Variants in SLC24A2 observed in about 807,000 individuals in gnomAD.
SLC24A2 encodes sodium/potassium/calcium exchanger 2.
A neutral mutation model predicts 62.0 loss-of-function variants in SLC24A2; 36 were observed. The observed-to-expected ratio is 0.58, with a 90% CI of 0.44 to 0.77. The LOEUF is 0.77. SLC24A2 is among the 30% of genes least tolerant of loss of function. The pLI is 0.00. For synonymous variants in SLC24A2, 358 were observed against 294.0 expected (o/e 1.22, Z -2.23); for missense variants, 846 against 817.9 (o/e 1.03, Z -0.42).
At chr9:20,063,112 T>A in the SLC24A2 span, among the ~76,000 whole-genome samples, 9 of 121,252 alleles carry the variant, frequency 7.4e-5, no homozygotes, top group African/African-American at 2.4e-4. Flanking sequence ...GAACTAGAAA[T>A]ACCATTTGAC....
At chr9:19,643,318 C>A (rs918627227) in intron 2 of SLC24A2, among the ~76,000 whole-genome samples, 1 of 152,088 alleles carries the variant, frequency 6.6e-6, no homozygotes, top group Middle Eastern at 3.2e-3. Flanking sequence ...ATTATTCAGG[C>A]CAGATGTTTT....
chr9:20,071,585 A>C, the SLC24A2 span, among the ~76,000 whole-genome samples: 1 of 152,184 alleles, frequency 6.6e-6, no homozygotes, highest in Admixed American at 6.5e-5. Context: ...ATGTTACATT[A>C]TATGGTGTTT....
chr9:20,210,174 G>A, the SLC24A2 span, among the ~76,000 whole-genome samples: 2 of 152,142 alleles, frequency 1.3e-5, no homozygotes, highest in African/African-American at 4.8e-5. Context: ...AAGACCTGCT[G>A]TGGTTTTCTT....
chr9:19,773,350 A>C (rs1386038028), intron 2 of SLC24A2, among the ~76,000 whole-genome samples: 1 of 152,202 alleles, frequency 6.6e-6, no homozygotes, highest in East Asian at 1.9e-4. Flanking sequence ...AAAAGTCAAT[A>C]GAGAAACATT....
At chr9:20,026,411 G>T in the SLC24A2 span, among the ~76,000 whole-genome samples, 1 of 152,106 alleles carries the variant, frequency 6.6e-6, no homozygotes, top group Non-Finnish European at 1.5e-5. Flanking sequence ...CTATAAATTG[G>T]AGCTATTATT....
chr9:20,100,766 T>C, the SLC24A2 span, among the ~76,000 whole-genome samples: 1 of 152,242 alleles, frequency 6.6e-6, no homozygotes, highest in Non-Finnish European at 1.5e-5. Context: ...ACAGTATTTA[T>C]TTAAATTCCT....
chr9:19,699,291 C>G (rs1820287681), intron 2 of SLC24A2, among the ~76,000 whole-genome samples: 1 of 152,088 alleles, frequency 6.6e-6, no homozygotes, highest in Non-Finnish European at 1.5e-5. Context: ...AATGCAAATT[C>G]AAAGAAGAAT....
the SLC24A2 span, among the ~76,000 whole-genome samples, chr9:20,110,222 A>G: frequency 6.6e-6 from 1 of 151,770 alleles, no homozygotes; most frequent in Non-Finnish European, 1.5e-5. Context: ...CCTAAACATA[A>G]GGTCACCATA....
chr9:19,868,202 A>G, the SLC24A2 span, among the ~76,000 whole-genome samples: 1 of 152,052 alleles, frequency 6.6e-6, no homozygotes, highest in Non-Finnish European at 1.5e-5. Context: ...TTTTGAAAAA[A>G]ATTGTTTTCA....
chr9:19,735,786 T>C (rs987730314), intron 2 of SLC24A2, among the ~76,000 whole-genome samples: 1 of 151,506 alleles, frequency 6.6e-6, no homozygotes, highest in African/African-American at 2.4e-5. Flanking sequence ...CATGTTCTCA[T>C]TCATAGGTGG....
the SLC24A2 span, among the ~76,000 whole-genome samples, chr9:20,237,755 C>A: frequency 6.6e-6 from 1 of 152,054 alleles, no homozygotes; most frequent in Non-Finnish European, 1.5e-5. Context: ...ATAATTCAGG[C>A]CTCTGTTGTG....
the SLC24A2 span, among the ~76,000 whole-genome samples, chr9:19,829,386 C>G: frequency 1.6e-4 from 24 of 152,230 alleles, 1 homozygote; most frequent in Admixed American, 1.5e-3. Context: ...AAATGATTTG[C>G]TATTGAAGAG....
chr9:20,305,156 T>G, the SLC24A2 span, among the ~76,000 whole-genome samples: 423 of 150,608 alleles, frequency 2.8e-3, no homozygotes, highest in Non-Finnish European at 4.9e-3. Context: ...GTCACCACGC[T>G]GGAGTGCAGT....
chr9:19,797,788 G>T, the SLC24A2 span, among the ~76,000 whole-genome samples: 1 of 152,196 alleles, frequency 6.6e-6, no homozygotes, highest in African/African-American at 2.4e-5. Flanking sequence ...AGCTTCTACA[G>T]AGAATCAACC....
At chr9:20,216,543 G>A in the SLC24A2 span, among the ~76,000 whole-genome samples, 1 of 152,164 alleles carries the variant, frequency 6.6e-6, no homozygotes, top group Non-Finnish European at 1.5e-5. Context: ...AAAGGAGTAT[G>A]ATAGGTGATC....
At chr9:20,102,834 A>C in the SLC24A2 span, among the ~76,000 whole-genome samples, 1 of 152,278 alleles carries the variant, frequency 6.6e-6, no homozygotes, top group East Asian at 1.9e-4. Flanking sequence ...AGGGAGTGCC[A>C]GACAGTGGGC....
chr9:19,704,199 C>T (rs1820439667), intron 2 of SLC24A2, among the ~76,000 whole-genome samples: 1 of 152,160 alleles, frequency 6.6e-6, no homozygotes, highest in African/African-American at 2.4e-5. Context: ...TGAGATTATG[C>T]ATTTCCAACA....
the SLC24A2 span, among the ~76,000 whole-genome samples, chr9:20,188,279 T>G: frequency 2.6e-5 from 4 of 152,120 alleles, no homozygotes; most frequent in African/African-American, 9.7e-5. Context: ...CCATCTTGGG[T>G]GCCATCATGA....
the SLC24A2 span, among the ~76,000 whole-genome samples, chr9:19,983,575 G>A: frequency 2.0e-5 from 3 of 152,104 alleles, no homozygotes; most frequent in African/African-American, 7.2e-5. Flanking sequence ...CCCAGGACGT[G>A]GAGGTTGTAA....
Sources: allele counts gnomAD v4.1 joint callset (sites outside exome capture counted in the v4.1 genomes callset), GRCh38; gene constraint gnomAD v4.1.1; transcripts MANE v1.5; gene names NCBI Gene and HGNC (gene_info 2026-07-23, HGNC 2026-07-21).